The following SYNCRIP variants were observed in gnomAD, a reference collection of about 807,000 sequenced individuals.
SYNCRIP encodes the protein synaptotagmin binding cytoplasmic RNA interacting protein.
Under a neutral mutation model 68.9 loss-of-function variants are expected in SYNCRIP, and 9 were observed. That is an observed-to-expected ratio of 0.13 (90% CI 0.08 to 0.23). The LOEUF (loss-of-function observed/expected upper bound fraction) is 0.23. Ranked by LOEUF, SYNCRIP falls within the 10% of genes least tolerant of loss-of-function variation. The probability of loss-of-function intolerance (pLI) is 1.00; values close to 1 mark genes in which losing one functional copy is unlikely to be tolerated. For missense variants in SYNCRIP, 414 were observed against 770.6 expected (o/e 0.54, Z 5.48); for synonymous variants, 258 against 254.0 (o/e 1.02, Z -0.15).
At chr6:85,627,088 A>T (rs1198341438) in intron 6 of SYNCRIP, among the ~76,000 whole-genome samples, 1 of 152,168 alleles carries the variant, frequency 6.6e-6, no homozygotes, top group East Asian at 1.9e-4. Flanking sequence ...CAACACAGTG[A>T]AACGCCGTCT....
In SYNCRIP at chr6:85,622,629, G is replaced by A. The variant is rs186972911; in HGVS notation, c.861C>T (p.Gly287=). The A allele has an allele frequency of 1.9e-6, 3 of 1,614,168 alleles. No individual in the cohort carries two copies. The highest frequency in any genetic ancestry group is 2.2e-5 in the East Asian group (1 of 44,890). Residue 287 remains glycine, a synonymous_variant, in exon 8 of 11, where the codon GGC becomes GGT. Coordinates refer to ENST00000369622, the MANE Select transcript of SYNCRIP (RefSeq NM_006372.5). ...HQPDDKKKNR[G]FCFLEYEDHK... is the part of the protein sequence containing the mutation. ...GATCTTCATATTCAAGAAAGCAAAA[G>A]CCTCTGTTTTTTTTCTTGTCATCCG...
chr6:85,631,293 C>T (rs938080933), intron 6 of SYNCRIP, among the ~76,000 whole-genome samples: 23 of 146,208 alleles, frequency 1.6e-4, no homozygotes, highest in African/African-American at 5.3e-4. Context: ...GAGCTGTGAT[C>T]GCACCACTGC....
At chr6:85,640,415 T>C in intron 3 of SYNCRIP, 31 bp downstream of exon 3, 1 of 1,585,754 alleles carries the variant, frequency 6.3e-7, no homozygotes, top group Non-Finnish European at 8.6e-7. Context: ...CTACTCAAAT[T>C]TTTTAATTTT....
chr6:85,619,059 G>T, intron 9 of SYNCRIP, 120 bp from the exon 10 acceptor site: 2 of 1,199,706 alleles, frequency 1.7e-6, no homozygotes, highest in East Asian at 2.4e-5. Flanking sequence ...CATGCAGGCA[G>T]TCAAATAATT....
exon 12 of SYNCRIP, chr6:85,608,746 AC>A (rs1391231529): frequency 2.0e-5 from 3 of 152,064 alleles, no homozygotes; most frequent in African/African-American, 7.2e-5. Context: ...CTAATCTTTG[AC>A]CCAGAGCGTT....
chr6:85,630,645 C>G (rs1807633726), intron 6 of SYNCRIP, among the ~76,000 whole-genome samples: 1 of 152,034 alleles, frequency 6.6e-6, no homozygotes, highest in Non-Finnish European at 1.5e-5. Context: ...ACTAATTTAC[C>G]TTAATCACAG....
downstream of SYNCRIP, chr6:85,609,368 G>C (rs1583228267): frequency 6.6e-6 from 1 of 151,868 alleles, no homozygotes; most frequent in Non-Finnish European, 1.5e-5. Context: ...TGCCTATCTA[G>C]CTTGATGTTC....
chr6:85,617,397 C>G (rs1805898648), intron 10 of SYNCRIP, among the ~76,000 whole-genome samples: 1 of 152,142 alleles, frequency 6.6e-6, no homozygotes, highest in African/African-American at 2.4e-5. Context: ...TTACATTCTA[C>G]TTTAATAAAT....
intron 9 of SYNCRIP, 125 bp downstream of exon 9, chr6:85,619,141 AAG>A (rs1806105901): frequency 1.5e-6 from 2 of 1,352,506 alleles, no homozygotes; most frequent in African/African-American, 2.9e-5. Flanking sequence ...CTAAAACCAA[AAG>A]GTTTTAGTTT....
At chr6:85,624,224 T>A (rs1357508448) in intron 6 of SYNCRIP, 112 bp from the exon 7 acceptor site, 1 of 1,044,824 alleles carries the variant, frequency 9.6e-7, no homozygotes, top group African/African-American at 1.6e-5. Context: ...TTACCTTAAT[T>A]CCCATACAAG....
chr6:85,637,998 C>T (rs1186991036), intron 4 of SYNCRIP, among the ~76,000 whole-genome samples: 2 of 152,076 alleles, frequency 1.3e-5, no homozygotes, highest in Non-Finnish European at 2.9e-5. Context: ...ATTTTAACTC[C>T]CAAAAAGTAA....
chr6:85,642,709 G>A (rs1024372340), intron 1 of SYNCRIP, 88 bp downstream of exon 1: 5 of 152,932 alleles, frequency 3.3e-5, no homozygotes, highest in South Asian at 2.1e-4. Context: ...TTCCAGAAAA[G>A]CCGGTTTCTA....
intron 6 of SYNCRIP, among the ~76,000 whole-genome samples, chr6:85,627,788 G>C (rs1399217831): frequency 6.6e-6 from 1 of 152,174 alleles, no homozygotes; most frequent in Non-Finnish European, 1.5e-5. Flanking sequence ...CCACAGCTGA[G>C]ATGAACCAAA....
intron 6 of SYNCRIP, among the ~76,000 whole-genome samples, chr6:85,632,660 G>A (rs1017678682): frequency 2.0e-5 from 3 of 152,160 alleles, no homozygotes; most frequent in Non-Finnish European, 4.4e-5. Flanking sequence ...AGTAAACAAT[G>A]GCCAGGCGCA....
At chr6:85,635,774 C>CAAAAAA (rs58599854) in intron 6 of SYNCRIP, among the ~76,000 whole-genome samples, 910 of 77,362 alleles carry the variant, frequency 0.012, 3 homozygotes, top group African/African-American at 0.016. Context: ...TTCTATCTCC[C>CAAAAAA]AAAAAAAAAA....
chr6:85,619,192 G>C (rs962948845), intron 9 of SYNCRIP, 76 bp downstream of exon 9: 1 of 1,570,714 alleles, frequency 6.4e-7, no homozygotes, highest in South Asian at 1.2e-5. Flanking sequence ...CCTCCAATTT[G>C]TAAAACTATT....
At chr6:85,621,400 T>C (rs1405429062) in intron 8 of SYNCRIP, among the ~76,000 whole-genome samples, 1 of 152,090 alleles carries the variant, frequency 6.6e-6, no homozygotes, top group Non-Finnish European at 1.5e-5. Flanking sequence ...AGGCTAAGAA[T>C]TGTAAGACCG....
chr6:85,640,137 C>A lies in SYNCRIP; in HGVS notation c.375+84G>T. ...AATTATCTCAACATCTAACATACAT[C>A]CATTTCATACCCAAGGAATATTTAC... On this transcript the variant is annotated intron_variant, in intron 4 of 10. Coordinates refer to ENST00000369622, the MANE Select transcript of SYNCRIP (RefSeq NM_006372.5). 3.4e-6 allele frequency: 3 copies of A among 872,006 alleles called. 1 individual carries two copies. The highest frequency in any genetic ancestry group is 3.0e-5 in the South Asian group (2 of 65,772). 54.0% of individuals were successfully genotyped at this position (872,006 alleles called of 1,614,324 possible). A position where few individuals can be genotyped will look rare whatever the true frequency, so the allele number is the denominator to read the frequency against.
chr6:85,632,323 G>C (rs1203604680), intron 6 of SYNCRIP, among the ~76,000 whole-genome samples: 1 of 152,122 alleles, frequency 6.6e-6, no homozygotes, highest in Non-Finnish European at 1.5e-5. Context: ...GGAGGCATGA[G>C]GCACTTTCCC....
Sources: allele counts gnomAD v4.1 joint callset (sites outside exome capture counted in the v4.1 genomes callset), GRCh38; gene constraint gnomAD v4.1.1; transcripts MANE v1.5; gene names NCBI Gene and HGNC (gene_info 2026-07-23, HGNC 2026-07-21).